DYSF: variants seen among roughly 807,000 people sequenced by gnomAD.
DYSF encodes the protein dysferlin.
Under a neutral mutation model 274.9 loss-of-function variants are expected in DYSF, and 212 were observed. That is an observed-to-expected ratio of 0.77 (90% CI 0.69 to 0.86). The LOEUF (loss-of-function observed/expected upper bound fraction) is 0.86, where lower values mean the gene tolerates loss of function less well. DYSF is among the 40% of genes least tolerant of loss of function. The pLI is 0.00. For synonymous variants in DYSF, 1,091 were observed against 1,078.7 expected, an observed-to-expected ratio of 1.01 and a Z score of -0.22; for missense variants, 2,666 against 2,783.2, an observed-to-expected ratio of 0.96 and a Z score of 0.95.
intron 27 of DYSF, 70 bp from the exon 28 acceptor site, chr2:71,570,159 A>C: frequency 7.0e-7 from 1 of 1,431,516 alleles, no homozygotes; most frequent in Non-Finnish European, 9.9e-7. Flanking sequence ...GTCAAGTTGC[A>C]TCTTTTCTGC....
chr2:71,653,915 T>C (rs1237746619), intron 42 of DYSF, among the ~76,000 whole-genome samples: 1 of 151,732 alleles, frequency 6.6e-6, no homozygotes, highest in African/African-American at 2.4e-5. Context: ...AAATATAACA[T>C]AAACACAAAC....
Position 71,529,501 on chromosome 2 carries a change from C to T in DYSF, c.1380+1100C>T, listed in dbSNP as rs568164659. Among the ~76,000 whole-genome samples the T allele has an allele frequency of 4.6e-5, 7 of 152,334 alleles. No homozygotes were observed. The South Asian group carries it at 6.2e-4, about 14-fold the overall frequency. On this transcript the variant is annotated intron_variant, in intron 14 of 55. Coordinates refer to ENST00000410020, the MANE Select transcript of DYSF (RefSeq NM_001130987.2). ...TCCATTAGATTCAGATGAAGTATTT[C>T]GGCAAGAACTCAGAGTAGTTGATGT...
At chr2:71,627,818 G>A (rs1257268832) in intron 41 of DYSF, among the ~76,000 whole-genome samples, 3 of 151,980 alleles carry the variant, frequency 2.0e-5, no homozygotes, top group Non-Finnish European at 4.4e-5. Flanking sequence ...TATGTAGCAA[G>A]CCTCTGCCCA....
chr2:71,633,710 A>T (rs1182005528), intron 41 of DYSF, among the ~76,000 whole-genome samples: 2 of 151,926 alleles, frequency 1.3e-5, no homozygotes, highest in Admixed American at 1.3e-4. Flanking sequence ...ATTTTTTTTT[A>T]AGAGTTGGGC....
At chr2:71,540,196 C>T (rs760414032) in intron 17 of DYSF, among the ~76,000 whole-genome samples, 27 of 151,446 alleles carry the variant, frequency 1.8e-4, no homozygotes, top group Non-Finnish European at 3.4e-4. Flanking sequence ...CTGCAATCTC[C>T]GCCTCCCCAG....
chr2:71,456,296 G>A (rs992837176), intron 1 of DYSF, among the ~76,000 whole-genome samples: 8 of 152,226 alleles, frequency 5.3e-5, no homozygotes, highest in Non-Finnish European at 8.8e-5. Context: ...CACTGAAACC[G>A]CCAGGCAGTC....
rs192299667 is a variant in DYSF at position 71,652,099 on chromosome 2, A to T, written c.4627-4063A>T. Among the ~76,000 whole-genome samples the T allele has an allele frequency of 3.9e-4, 60 of 152,330 alleles. 2 individuals are homozygous for T. Among genetic ancestry groups the T allele is most frequent in the Admixed American group, 3.4e-3 (52 of 15,300 alleles). On this transcript the variant is annotated intron_variant, in intron 42 of 55. Coordinates refer to ENST00000410020, the MANE Select transcript of DYSF (RefSeq NM_001130987.2). ...ACTTGTATTTCTCAAGAATGTTCCT[A>T]AGTGCATTTGTCTGGGGAGAGAGTC... is the stretch of plus-strand genomic sequence containing the variant.
At chr2:71,570,075 T>C in intron 27 of DYSF, 141 bp downstream of exon 27, 1 of 1,075,548 alleles carries the variant, frequency 9.3e-7, no homozygotes, top group Non-Finnish European at 1.4e-6. Flanking sequence ...AAAGGGAAAG[T>C]GTGGGGTGCA....
At chr2:71,569,632 G>A (rs990929841) in intron 26 of DYSF, among the ~76,000 whole-genome samples, 188 bp from the exon 27 acceptor site, 4 of 151,786 alleles carry the variant, frequency 2.6e-5, no homozygotes, top group South Asian at 2.1e-4. Flanking sequence ...CGATTATCTC[G>A]GAGTGTCCCT....
intron 3 of DYSF, among the ~76,000 whole-genome samples, chr2:71,498,764 G>A (rs549255916): frequency 6.6e-6 from 1 of 152,180 alleles, no homozygotes; most frequent in Non-Finnish European, 1.5e-5. Flanking sequence ...GAATGAATAA[G>A]GGCATTTTGG....
At chr2:71,509,512 G>T (rs2085859596) in intron 4 of DYSF, among the ~76,000 whole-genome samples, 2 of 152,064 alleles carry the variant, frequency 1.3e-5, no homozygotes, top group South Asian at 2.1e-4. Flanking sequence ...ATTCATTATT[G>T]CTTTGATGAT....
At chr2:71,598,485 C>T (rs1025751635) in intron 32 of DYSF, 79 bp from the exon 33 acceptor site, 3 of 1,543,274 alleles carry the variant, frequency 1.9e-6, no homozygotes, top group Non-Finnish European at 2.7e-6. Flanking sequence ...AGCTTTGTGG[C>T]CCCACATGGC....
chr2:71,613,309 G>A (rs1574353616), intron 39 of DYSF, 25 bp from the exon 40 acceptor site: 1 of 1,602,852 alleles, frequency 6.2e-7, no homozygotes, highest in East Asian at 2.2e-5. Flanking sequence ...CCCCTCTCAG[G>A]CCTGGATGGC....
intron 26 of DYSF, among the ~76,000 whole-genome samples, chr2:71,569,546 G>A (rs377461460): frequency 1.3e-5 from 2 of 152,024 alleles, no homozygotes; most frequent in Admixed American, 1.3e-4. Context: ...ATCAAGCCTC[G>A]ACTGCCCATC....
At chr2:71,659,175 G>A in intron 44 of DYSF, 142 bp downstream of exon 44, 1 of 1,211,984 alleles carries the variant, frequency 8.3e-7, no homozygotes, top group East Asian at 2.5e-5. Flanking sequence ...GAGGTGCCTG[G>A]ATGGAGTTGT....
At chr2:71,512,425 G>A (rs1018650174) in intron 5 of DYSF, among the ~76,000 whole-genome samples, 5 of 152,214 alleles carry the variant, frequency 3.3e-5, no homozygotes, top group African/African-American at 9.6e-5. Flanking sequence ...TTGACACTGA[G>A]TCTCTGTGTG....
At chr2:71,526,415 C>CCT in intron 13 of DYSF, 69 bp downstream of exon 13, 3 of 411,240 alleles carry the variant, frequency 7.3e-6, no homozygotes, top group South Asian at 2.9e-5. Context: ...TGGGGGTGGG[C>CCT]GATGGCGGGC....
chr2:71,501,211 A>G, intron 3 of DYSF, among the ~76,000 whole-genome samples: 1 of 152,136 alleles, frequency 6.6e-6, no homozygotes, highest in East Asian at 1.9e-4. Context: ...TGGATTGAAT[A>G]TTAGTGAATA....
At chr2:71,628,780 G>A (rs1024835845) in intron 41 of DYSF, among the ~76,000 whole-genome samples, 8 of 151,818 alleles carry the variant, frequency 5.3e-5, no homozygotes, top group Non-Finnish European at 1.0e-4. Flanking sequence ...GCAAAACCCC[G>A]TCTCTACAAA....
Sources: allele counts gnomAD v4.1 joint callset (sites outside exome capture counted in the v4.1 genomes callset), GRCh38; gene constraint gnomAD v4.1.1; transcripts MANE v1.5; gene names NCBI Gene and HGNC (gene_info 2026-07-23, HGNC 2026-07-21).